HS3ST4: variants seen among roughly 807,000 people sequenced by gnomAD.
The protein encoded by HS3ST4 is heparan sulfate-glucosamine 3-sulfotransferase 4, also known as heparan sulfate glucosamine 3-O-sulfotransferase 4.
Under a neutral mutation model 29.2 loss-of-function variants are expected in HS3ST4, and 17 were observed. That is an observed-to-expected ratio of 0.58 (90% CI 0.40 to 0.87). The LOEUF is 0.87. Among genes scored for constraint, HS3ST4 ranks in the 40% least tolerant of loss-of-function variants. The pLI, the probability that HS3ST4 is intolerant of heterozygous loss-of-function variation, is 0.00. For missense variants in HS3ST4, 627 were observed against 634.5 expected (o/e 0.99, Z 0.13); for synonymous variants, 314 against 285.7 (o/e 1.10, Z -1.00).
intron 1 of HS3ST4, among the ~76,000 whole-genome samples, chr16:25,759,253 C>G (rs1966775238): frequency 6.6e-6 from 1 of 152,214 alleles, no homozygotes; most frequent in Non-Finnish European, 1.5e-5. Context: ...TTACTCTGCC[C>G]TGGGCACTGT....
In HS3ST4 at chr16:25,692,561, G is replaced by T; in HGVS notation, c.144G>T (p.Leu48=). 1 of 1,453,542 alleles carries T rather than the reference G, an allele frequency of 6.9e-7. No individual in the cohort carries two copies. Among genetic ancestry groups the T allele is most frequent in the South Asian group, 1.3e-5 (1 of 77,974 alleles). The allele number at this position is 1,453,542 out of a possible 1,614,324, so 90.0% of individuals were successfully genotyped here. A position where few individuals can be genotyped will look rare whatever the true frequency, so the allele number is the denominator to read the frequency against. Reference sequence around the variant, plus strand: ...CCTTGTCCCTGTCTGTCACCTACCTGTGCTACAGCCTCCTGGGCGGCTCGG... The same window carrying T: ...CCTTGTCCCTGTCTGTCACCTACCTTTGCTACAGCCTCCTGGGCGGCTCGG... ...MCTLSLSVTY[L]CYSLLGGSGS... is the part of the protein sequence containing the mutation. Residue 48 remains leucine (L), a synonymous_variant, in exon 1 of 2, where the codon CTG becomes CTT. Coordinates refer to ENST00000331351, the MANE Select transcript of HS3ST4 (RefSeq NM_006040.3).
intron 1 of HS3ST4, among the ~76,000 whole-genome samples, chr16:25,913,980 GGTGT>G (rs1185849765): frequency 1.3e-5 from 2 of 148,620 alleles, no homozygotes; most frequent in Non-Finnish European, 1.5e-5. Context: ...ATGTGTATGT[GGTGT>G]GTGTGTGCAG....
intron 1 of HS3ST4, among the ~76,000 whole-genome samples, chr16:25,931,123 A>G (rs1384285934): frequency 6.7e-6 from 1 of 148,530 alleles, no homozygotes; most frequent in Non-Finnish European, 1.5e-5. Context: ...AAAAACCTCC[A>G]CCCCGGGAAA....
At chr16:26,089,951 C>G (rs1222168295) in intron 1 of HS3ST4, among the ~76,000 whole-genome samples, 2 of 152,172 alleles carry the variant, frequency 1.3e-5, no homozygotes, top group Non-Finnish European at 2.9e-5. Flanking sequence ...GCATAGAAAA[C>G]AGTTGACCTG....
chr16:25,770,306 G>T (rs1443555702), intron 1 of HS3ST4, among the ~76,000 whole-genome samples: 1 of 152,152 alleles, frequency 6.6e-6, no homozygotes, highest in Non-Finnish European at 1.5e-5. Context: ...CCTTGGAGAT[G>T]ATAAGTAAAA....
chr16:26,037,196 C>G (rs1452549785), intron 1 of HS3ST4, among the ~76,000 whole-genome samples: 3 of 152,174 alleles, frequency 2.0e-5, no homozygotes, highest in African/African-American at 4.8e-5. Flanking sequence ...TAAGAGGTCT[C>G]CACTCTAGTC....
At chr16:25,949,724 C>T (rs895088581) in intron 1 of HS3ST4, among the ~76,000 whole-genome samples, 2 of 152,082 alleles carry the variant, frequency 1.3e-5, no homozygotes, top group African/African-American at 2.4e-5. Flanking sequence ...ATGGACTCAG[C>T]AGGATTCTTG....
chr16:26,128,226 G>A (rs1363289372), intron 1 of HS3ST4, among the ~76,000 whole-genome samples: 5 of 152,124 alleles, frequency 3.3e-5, no homozygotes, highest in African/African-American at 9.7e-5. Context: ...GTTACTAAAT[G>A]GGATATACAG....
chr16:25,917,337 C>T (rs888688178), intron 1 of HS3ST4, among the ~76,000 whole-genome samples: 7 of 152,134 alleles, frequency 4.6e-5, no homozygotes, highest in Non-Finnish European at 5.9e-5. Flanking sequence ...CTTACCCTCC[C>T]GAGTAGCTGG....
At chr16:25,826,295 T>C (rs1214808931) in intron 1 of HS3ST4, 2 of 152,188 alleles carry the variant, frequency 1.3e-5, no homozygotes, top group Non-Finnish European at 2.9e-5. Context: ...CTCTTGTAGG[T>C]GTCTGTTCCT....
At chr16:25,893,124 G>C (rs868858507) in intron 1 of HS3ST4, among the ~76,000 whole-genome samples, 1 of 152,242 alleles carries the variant, frequency 6.6e-6, no homozygotes, top group Middle Eastern at 3.4e-3. Flanking sequence ...GCAGAAGGAA[G>C]AGTGCCTGAA....
chr16:25,866,637 A>T (rs990785683), intron 1 of HS3ST4, among the ~76,000 whole-genome samples: 3 of 152,116 alleles, frequency 2.0e-5, no homozygotes, highest in African/African-American at 7.2e-5. Context: ...GGGGAATATC[A>T]CACACACGGT....
chr16:26,066,167 G>T (rs1048462729), intron 1 of HS3ST4, among the ~76,000 whole-genome samples: 1 of 152,204 alleles, frequency 6.6e-6, no homozygotes, highest in African/African-American at 2.4e-5. Flanking sequence ...CTTTGTAAGT[G>T]ATTTGCTTAC....
At position 25,792,702 on chromosome 16, in the gene HS3ST4, T is replaced by C. The variant is rs558639553; in HGVS notation, c.734+99551T>C. Among the ~76,000 whole-genome samples, 3 of 149,132 alleles carry C rather than the reference T, an allele frequency of 2.0e-5. No individual in the cohort carries two copies. The South Asian group carries it at 6.3e-4, about 31-fold the overall frequency. ...AGTTTCTCTGTTTTTCTTGACCAGT[T>C]TTGTTAGGTGTTTATCAATTTTTTT... On this transcript the variant is annotated intron_variant, in intron 1 of 1. Transcript: ENST00000331351.
chr16:25,946,399 G>C (rs1363440850), intron 1 of HS3ST4, among the ~76,000 whole-genome samples: 1 of 152,210 alleles, frequency 6.6e-6, no homozygotes, highest in Non-Finnish European at 1.5e-5. Context: ...AATCAAGGGA[G>C]AGTTGAAAGG....
At chr16:25,712,368 A>G (rs1422716345) in intron 1 of HS3ST4, among the ~76,000 whole-genome samples, 1 of 152,100 alleles carries the variant, frequency 6.6e-6, no homozygotes, top group Non-Finnish European at 1.5e-5. Context: ...CTAAAAATAC[A>G]AAAATTAGCC....
chr16:25,849,424 C>G (rs1051773138), intron 1 of HS3ST4, among the ~76,000 whole-genome samples: 4 of 152,096 alleles, frequency 2.6e-5, no homozygotes, highest in African/African-American at 9.7e-5. Context: ...AATTCTGAAT[C>G]GTTTTGGTAT....
intron 1 of HS3ST4, among the ~76,000 whole-genome samples, chr16:25,969,259 G>A (rs1968873299): frequency 6.6e-6 from 1 of 152,166 alleles, no homozygotes; most frequent in African/African-American, 2.4e-5. Flanking sequence ...TTTCTCTTTT[G>A]CTCTCATACT....
rs183667282 is a variant in HS3ST4 at position 25,699,090 on chromosome 16, A to G, written c.734+5939A>G. On this transcript the variant is annotated intron_variant, in intron 1 of 1. Coordinates refer to ENST00000331351, the MANE Select transcript of HS3ST4 (RefSeq NM_006040.3). ...TTTCTTAAAAGCCCAGTGGGGGCCAACATTGTGGGACAAACAAAATACATC... is the reference window on the plus strand; with the variant it reads ...TTTCTTAAAAGCCCAGTGGGGGCCAGCATTGTGGGACAAACAAAATACATC... Among the ~76,000 whole-genome samples, 3 of 152,362 alleles carry G rather than the reference A, an allele frequency of 2.0e-5. No individual in the cohort carries two copies. The East Asian group carries it at 5.8e-4, about 29-fold the overall frequency.
Sources: gnomAD v4.1 joint callset for allele counts (sites outside exome capture counted in the v4.1 genomes callset) on GRCh38, gnomAD v4.1.1 for gene constraint, MANE v1.5 for transcripts, NCBI Gene and HGNC (gene_info 2026-07-23, HGNC 2026-07-21) for gene names.